ZNF385D: variants seen among roughly 807,000 people sequenced by gnomAD.
ZNF385D encodes the protein zinc finger protein 659.
A neutral mutation model predicts 35.8 loss-of-function variants in ZNF385D; 15 were observed. The ratio of observed to expected loss-of-function variants is 0.42; its 90% CI spans 0.28 to 0.64. The LOEUF (loss-of-function observed/expected upper bound fraction) is 0.64, where lower values mean the gene tolerates loss of function less well. Among genes scored for constraint, ZNF385D ranks in the 30% least tolerant of loss-of-function variants. ZNF385D has a pLI of 0.23. For missense variants in ZNF385D, 474 were observed against 494.6 expected (o/e 0.96, Z 0.39); for synonymous variants, 212 against 186.8 (o/e 1.13, Z -1.10).
At chr3:21,508,472 G>A (rs1263881834) in intron 4 of ZNF385D, among the ~76,000 whole-genome samples, 1 of 151,984 alleles carries the variant, frequency 6.6e-6, no homozygotes, top group Non-Finnish European at 1.5e-5. Flanking sequence ...TTCTTGTTCT[G>A]TAAATGACTA....
In ZNF385D at chr3:21,473,583, T is replaced by C. The variant is rs1704039813; in HGVS notation, c.440-36380A>G. On this transcript the variant is annotated intron_variant, in intron 4 of 7. Transcript: ENST00000281523. ...CTCAAGGTTGTTTCCTCCTTGAGTT[T>C]TTCTACTGAACCTGTAATCAGTTTT... 2.6e-5 allele frequency among the ~76,000 whole-genome samples: 4 copies of C among 152,102 alleles called. No individual in the cohort carries two copies. The South Asian group carries it at 8.3e-4, about 31-fold the overall frequency.
At chr3:22,243,027 G>T (rs1158673005) in intron 2 of ZNF385D, among the ~76,000 whole-genome samples, 2 of 150,962 alleles carry the variant, frequency 1.3e-5, no homozygotes, top group African/African-American at 4.9e-5. Context: ...AAATAACACA[G>T]TAGATAAATT....
intron 2 of ZNF385D, among the ~76,000 whole-genome samples, chr3:22,319,029 C>A (rs564314531): frequency 6.6e-6 from 1 of 152,242 alleles, no homozygotes; most frequent in South Asian, 2.1e-4. Flanking sequence ...GTTTGCAGGG[C>A]AGGCTTTTAT....
At chr3:22,343,511 C>T (rs958625948) in intron 2 of ZNF385D, among the ~76,000 whole-genome samples, 1 of 152,246 alleles carries the variant, frequency 6.6e-6, no homozygotes, top group African/African-American at 2.4e-5. Context: ...GGAGTAGCAG[C>T]ACTTGTCCAG....
At chr3:21,793,723 T>G (rs1486594325) in intron 3 of ZNF385D, among the ~76,000 whole-genome samples, 1 of 152,196 alleles carries the variant, frequency 6.6e-6, no homozygotes, top group Non-Finnish European at 1.5e-5. Flanking sequence ...AGTTCTGTGC[T>G]CGGGTCACTC....
intron 3 of ZNF385D, among the ~76,000 whole-genome samples, chr3:21,972,794 G>C (rs1434707290): frequency 2.0e-5 from 3 of 151,888 alleles, no homozygotes; most frequent in Non-Finnish European, 4.4e-5. Flanking sequence ...GCTACTCTGA[G>C]CAACTATATG....
intron 3 of ZNF385D, among the ~76,000 whole-genome samples, chr3:21,984,825 A>G (rs1198908101): frequency 1.6e-5 from 2 of 122,902 alleles, no homozygotes; most frequent in African/African-American, 2.8e-5. Flanking sequence ...ATTTGTTTGT[A>G]TCCTCTTTTA....
chr3:21,892,019 C>A (rs1253821322), intron 3 of ZNF385D, among the ~76,000 whole-genome samples: 1 of 152,126 alleles, frequency 6.6e-6, no homozygotes, highest in African/African-American at 2.4e-5. Context: ...TGCAAAATAT[C>A]CATTTTAATT....
intron 4 of ZNF385D, chr3:21,443,160 A>T (rs1258244654): frequency 8.1e-6 from 8 of 985,218 alleles, no homozygotes; most frequent in African/African-American, 7.0e-5. Flanking sequence ...GCTCCACTCC[A>T]CTTTGCAGGG....
At chr3:22,293,593 A>C (rs1236602281) in intron 2 of ZNF385D, among the ~76,000 whole-genome samples, 1 of 152,090 alleles carries the variant, frequency 6.6e-6, no homozygotes, top group East Asian at 1.9e-4. Context: ...GATAGATAAC[A>C]TATTTGACAT....
chr3:21,454,969 T>C (rs1385172632), intron 4 of ZNF385D, among the ~76,000 whole-genome samples: 1 of 152,050 alleles, frequency 6.6e-6, no homozygotes, highest in Non-Finnish European at 1.5e-5. Context: ...AAATCATGAG[T>C]GAACTCCCAT....
intron 3 of ZNF385D, among the ~76,000 whole-genome samples, chr3:22,081,627 T>G (rs1044508905): frequency 1.3e-5 from 2 of 152,174 alleles, no homozygotes; most frequent in South Asian, 4.1e-4. Context: ...GTTGTCACAG[T>G]AAGCTGGGAC....
intron 4 of ZNF385D, among the ~76,000 whole-genome samples, chr3:21,508,514 T>G (rs1398041528): frequency 6.6e-6 from 1 of 152,144 alleles, no homozygotes; most frequent in Non-Finnish European, 1.5e-5. Flanking sequence ...GCCTCCCCCT[T>G]CCAATTACTG....
chr3:21,455,455 T>G (rs1473036128), intron 4 of ZNF385D, among the ~76,000 whole-genome samples: 1 of 152,172 alleles, frequency 6.6e-6, no homozygotes, highest in Admixed American at 6.6e-5. Flanking sequence ...ATCTGATCTT[T>G]GACAAACCTG....
At chr3:22,245,494 A>T (rs975423668) in intron 2 of ZNF385D, among the ~76,000 whole-genome samples, 5 of 151,690 alleles carry the variant, frequency 3.3e-5, no homozygotes, top group Admixed American at 6.6e-5. Context: ...AAAAAAAAAA[A>T]AATACAAACC....
In ZNF385D at chr3:21,414,900, T is replaced by C. The variant is rs1700540943; in HGVS notation, c.*6314A>G. 3 of 152,270 alleles carry C rather than the reference T, an allele frequency of 2.0e-5. No homozygotes were observed. The South Asian group carries it at 6.2e-4, about 32-fold the overall frequency. The allele number at this position is 152,270 out of a possible 1,614,324, so 9.4% of individuals were successfully genotyped here. ...TCTCACGAACTCAATTCCTTTTTCA[T>C]CTCTACTAATGTTAGCATAACATCA... On this transcript the variant is annotated 3_prime_UTR_variant, in exon 8 of 8. Transcript: ENST00000281523.
At chr3:21,988,693 C>T (rs1451667164) in intron 3 of ZNF385D, among the ~76,000 whole-genome samples, 1 of 151,502 alleles carries the variant, frequency 6.6e-6, no homozygotes, top group Non-Finnish European at 1.5e-5. Flanking sequence ...GTGGTGGGCT[C>T]CACCCAGTTG....
chr3:21,499,396 A>C (rs233171), intron 4 of ZNF385D, among the ~76,000 whole-genome samples: 109,739 of 151,962 alleles, frequency 0.72, 39,901 homozygotes, highest in East Asian at 0.84. Flanking sequence ...CCAAATACTG[A>C]ATATTTTCAC....
At chr3:21,580,673 G>A (rs949715150) in intron 2 of ZNF385D, among the ~76,000 whole-genome samples, 1 of 150,484 alleles carries the variant, frequency 6.6e-6, no homozygotes, top group African/African-American at 2.4e-5. Flanking sequence ...AACCTTTTCT[G>A]CATGACAATT....
Sources: allele counts gnomAD v4.1 joint callset (sites outside exome capture counted in the v4.1 genomes callset), GRCh38; gene constraint gnomAD v4.1.1; transcripts MANE v1.5; gene names NCBI Gene and HGNC (gene_info 2026-07-23, HGNC 2026-07-21).